The following KIF4A variants were observed in gnomAD, a reference collection of about 807,000 sequenced individuals.
The protein encoded by KIF4A is kinesin family member 4A, also known as chromosome-associated kinesin KIF4A.
A neutral mutation model predicts 105.9 loss-of-function variants in KIF4A; 7 were observed. That is an observed-to-expected ratio of 0.07 (90% CI 0.04 to 0.12). The LOEUF is 0.12. KIF4A is among the 10% of genes least tolerant of loss of function. The pLI, the probability that KIF4A is intolerant of heterozygous loss-of-function variation, is 1.00. For missense variants in KIF4A, 558 were observed against 929.2 expected, an observed-to-expected ratio of 0.60 and a Z score of 5.19; for synonymous variants, 281 against 331.3, an observed-to-expected ratio of 0.85 and a Z score of 1.65.
intron 20 of KIF4A, among the ~76,000 whole-genome samples, chrX:70,388,448 T>C (rs1442293488): frequency 1.8e-5 from 2 of 111,784 alleles, no homozygotes; most frequent in Non-Finnish European, 3.8e-5. Flanking sequence ...GTGTATGTTT[T>C]AACTGCTAAG....
At chrX:70,297,535 C>G (rs948654591) in intron 4 of KIF4A, among the ~76,000 whole-genome samples, 1 of 112,116 alleles carries the variant, frequency 8.9e-6, no homozygotes, top group African/African-American at 3.2e-5. Context: ...GCTGTTGCCT[C>G]ATGAAGAATG....
chrX:70,418,379 C>A (rs1194178807), intron 29 of KIF4A, among the ~76,000 whole-genome samples: 1 of 111,612 alleles, frequency 9.0e-6, no homozygotes. Flanking sequence ...CTGTAAGAGC[C>A]ACGTACTGAG....
chrX:70,315,582 T>C (rs754597428), intron 7 of KIF4A, among the ~76,000 whole-genome samples: 17 of 111,767 alleles, frequency 1.5e-4, no homozygotes, highest in African/African-American at 5.5e-4. Context: ...TTTTCCTTGG[T>C]CTGCTCTCTG....
intron 7 of KIF4A, among the ~76,000 whole-genome samples, chrX:70,305,403 G>C (rs950105163): frequency 9.0e-6 from 1 of 111,538 alleles, no homozygotes; most frequent in Non-Finnish European, 1.9e-5. Context: ...CTCTGTCTCT[G>C]CAGATTTGCC....
At chrX:70,366,253 T>C (rs775010745) in intron 15 of KIF4A, among the ~76,000 whole-genome samples, 3 of 110,832 alleles carry the variant, frequency 2.7e-5, no homozygotes, top group Admixed American at 9.7e-5. Flanking sequence ...ATTTCCTTCA[T>C]TTCTGCTCTG....
chrX:70,379,185 GAAAA>G (rs968823538), intron 18 of KIF4A, among the ~76,000 whole-genome samples: 3 of 108,202 alleles, frequency 2.8e-5, no homozygotes, highest in Non-Finnish European at 5.8e-5. Context: ...AAAGAAAAAA[GAAAA>G]AAAAGAAAGA....
In KIF4A at chrX:70,389,572, A is replaced by T. The variant is rs373304229; in HGVS notation, c.2232+2275A>T. ...ATAGAGCGAGGCTTCGTCTCAAAAA[A>T]ATATATATATTTGTCAAACCCATGG... On this transcript the variant is annotated intron_variant, in intron 20 of 30. Coordinates refer to ENST00000374403, the MANE Select transcript of KIF4A (RefSeq NM_012310.5). Among the ~76,000 whole-genome samples the T allele has an allele frequency of 2.1e-4, 24 of 112,664 alleles. No individual in the cohort carries two copies. In the South Asian group the frequency reaches 3.3e-3, roughly 15 times the overall value.
chrX:70,322,177 C>T (rs1180117237), intron 7 of KIF4A, among the ~76,000 whole-genome samples: 1 of 110,392 alleles, frequency 9.1e-6, no homozygotes, highest in East Asian at 2.8e-4. Context: ...GCCCCTATCT[C>T]ATAAGTCATA....
chrX:70,342,072 C>A lies in KIF4A; in HGVS notation c.1266+141C>A, dbSNP rs978542605. 31 of 816,815 alleles carry A rather than the reference C, an allele frequency of 3.8e-5. No individual in the cohort carries two copies. The African/African-American group carries it at 5.4e-4, about 14-fold the overall frequency. 67.3% of individuals were successfully genotyped at this position (816,815 alleles called of 1,213,427 possible). Reference sequence around the variant, plus strand: ...TATTACCATATCCTCCAGGGAGCCCCTCTGGGGTAAATATGTGGGCTTATA... The same window carrying A: ...TATTACCATATCCTCCAGGGAGCCCATCTGGGGTAAATATGTGGGCTTATA... On this transcript the variant is annotated intron_variant, in intron 11 of 30. Coordinates refer to ENST00000374403, the MANE Select transcript of KIF4A (RefSeq NM_012310.5).
intron 16 of KIF4A, among the ~76,000 whole-genome samples, chrX:70,374,803 G>C (rs2086168512): frequency 8.9e-6 from 1 of 111,983 alleles, no homozygotes; most frequent in Non-Finnish European, 1.9e-5. Context: ...TTTTTACTCA[G>C]TGACTCCGTT....
intron 28 of KIF4A, among the ~76,000 whole-genome samples, chrX:70,416,465 A>G (rs981632692): frequency 1.0e-5 from 1 of 96,904 alleles, no homozygotes; most frequent in Non-Finnish European, 2.0e-5. Context: ...TGATCCTCCC[A>G]CCTCAGCCTC....
chrX:70,373,546 A>ATG (rs1364204176), intron 15 of KIF4A, among the ~76,000 whole-genome samples: 1 of 41,844 alleles, frequency 2.4e-5, no homozygotes, highest in Non-Finnish European at 3.9e-5. Context: ...ATATATATAT[A>ATG]TATATATATA....
chrX:70,319,340 G>T lies in KIF4A; in HGVS notation c.779-10065G>T, dbSNP rs537391605. ...ATTTTTTCTATATTATCTAATAAAG[G>T]CTTTACAGTTTTGCCTTTCACACTT... On this transcript the variant is annotated intron_variant, in intron 7 of 30. Transcript: ENST00000374403. Among the ~76,000 whole-genome samples the T allele has an allele frequency of 1.4e-3, 155 of 111,864 alleles. 2 individuals carry two copies. In the South Asian group the frequency reaches 0.056, roughly 40 times the overall value.
intron 10 of KIF4A, 81 bp from the exon 11 acceptor site, chrX:70,341,718 T>A: frequency 9.7e-7 from 1 of 1,031,637 alleles, no homozygotes; most frequent in Non-Finnish European, 1.3e-6. Flanking sequence ...CCAAAAGGCC[T>A]ATGGGATATA....
At chrX:70,404,134 T>C (rs1355736938) in intron 24 of KIF4A, 100 bp downstream of exon 24, 9 of 971,475 alleles carry the variant, frequency 9.3e-6, no homozygotes, top group Non-Finnish European at 1.1e-5. Flanking sequence ...CTTTCAAAAG[T>C]CCACGTGGCC....
intron 15 of KIF4A, among the ~76,000 whole-genome samples, chrX:70,359,045 C>G (rs772751337): frequency 7.1e-5 from 8 of 111,999 alleles, no homozygotes; most frequent in African/African-American, 2.6e-4. Flanking sequence ...TACATATTGG[C>G]ATGCTTCTTC....
chrX:70,393,518 G>T (rs1332352480), intron 20 of KIF4A, among the ~76,000 whole-genome samples: 1 of 111,368 alleles, frequency 9.0e-6, no homozygotes, highest in African/African-American at 3.3e-5. Flanking sequence ...ATCAATTATT[G>T]AGAAATAGGT....
chrX:70,336,418 A>G (rs1479715699), intron 10 of KIF4A, among the ~76,000 whole-genome samples: 2 of 111,916 alleles, frequency 1.8e-5, no homozygotes, highest in Non-Finnish European at 3.8e-5. Context: ...TTCTACCTTT[A>G]TAAGGTATTG....
chrX:70,386,118 CT>C (rs1261026998), intron 18 of KIF4A, among the ~76,000 whole-genome samples: 33 of 105,545 alleles, frequency 3.1e-4, no homozygotes, highest in African/African-American at 7.2e-4. Flanking sequence ...TGAGAAACCT[CT>C]TTTTTTTTTA....
Sources: allele counts gnomAD v4.1 joint callset (sites outside exome capture counted in the v4.1 genomes callset), GRCh38; gene constraint gnomAD v4.1.1; transcripts MANE v1.5; gene names NCBI Gene and HGNC (gene_info 2026-07-23, HGNC 2026-07-21).